Variants in SSC4D observed in about 807,000 individuals in gnomAD.
SSC4D encodes the protein scavenger receptor cysteine rich family member with 4 domains.
SSC4D carries 57 observed loss-of-function variants against 63.4 expected under a neutral mutation model. The observed-to-expected ratio is 0.90, with a 90% CI of 0.73 to 1.12. SSC4D has a LOEUF of 1.12. Ranked by LOEUF, SSC4D falls within the 50% of genes most tolerant of loss-of-function variation. SSC4D has a pLI of 0.00. For missense variants in SSC4D, 791 were observed against 806.4 expected (o/e 0.98, Z 0.23); for synonymous variants, 352 against 345.4 (o/e 1.02, Z -0.21).
chr7:76,403,872 A>C (rs1291600606), intron 2 of SSC4D, among the ~76,000 whole-genome samples: 1 of 151,894 alleles, frequency 6.6e-6, no homozygotes, highest in Non-Finnish European at 1.5e-5. Flanking sequence ...CATGTTGGCC[A>C]GGCTGGTCTC....
At position 76,390,393 on chromosome 7, in the gene SSC4D, T is replaced by TG. The variant is rs752442837; in HGVS notation, c.1412-19dup. On this transcript the variant is annotated intron_variant, in intron 10 of 10. Coordinates refer to ENST00000275560, the MANE Select transcript of SSC4D (RefSeq NM_080744.2). ...TAGATGCCCTGTGGGGGGACAGGGC[T>TG]GGGTTGGAAGGGGCTGGTCCATGCC... 3.8e-6 allele frequency: 6 copies of TG among 1,560,504 alleles called. No homozygotes were observed. The highest frequency in any genetic ancestry group is 5.2e-6 in the Non-Finnish European group (6 of 1,152,532).
At chr7:76,392,319 C>T (rs1415008298) in intron 9 of SSC4D, among the ~76,000 whole-genome samples, 3 of 151,996 alleles carry the variant, frequency 2.0e-5, no homozygotes, top group Non-Finnish European at 2.9e-5. Context: ...GAGGCCGAGG[C>T]GGGTGGATCA....
intron 5 of SSC4D, 111 bp from the exon 6 acceptor site, chr7:76,397,943 C>T (rs950313843): frequency 3.6e-6 from 4 of 1,110,892 alleles, no homozygotes; most frequent in African/African-American, 3.2e-5. Flanking sequence ...CATCTGCTCA[C>T]CCCGCTGCCC....
chr7:76,396,584 G>A (rs1249226660), intron 6 of SSC4D, among the ~76,000 whole-genome samples: 2 of 152,184 alleles, frequency 1.3e-5, no homozygotes, highest in Non-Finnish European at 1.5e-5. Flanking sequence ...GCTGAGGGAA[G>A]CCAAAAACCC....
rs1165535305 is a variant in SSC4D, at chr7:76,401,054, G to A, written c.134-11C>T. 6.5e-6 allele frequency: 10 copies of A among 1,544,136 alleles called. No individual in the cohort carries two copies. The highest frequency in any genetic ancestry group is 8.7e-6 in the Non-Finnish European group (10 of 1,143,130). ...GCTGTAGGGCGCTGGCTGAAACAGA[G>A]TGAGGAAGAGCATTGGCCCCTCTGC... On this transcript the variant is annotated splice_polypyrimidine_tract_variant and intron_variant, in intron 2 of 10. Coordinates refer to ENST00000275560, the MANE Select transcript of SSC4D (RefSeq NM_080744.2).
intron 1 of SSC4D, among the ~76,000 whole-genome samples, chr7:76,407,633 T>A (rs950940253): frequency 2.0e-5 from 3 of 152,042 alleles, no homozygotes; most frequent in Admixed American, 2.0e-4. Context: ...TTTGGGAGGC[T>A]AAGGCAGGAG....
At chr7:76,400,256 T>G in intron 4 of SSC4D, 30 bp downstream of exon 4, 1 of 1,436,742 alleles carries the variant, frequency 7.0e-7, no homozygotes, top group African/African-American at 1.5e-5. Flanking sequence ...ACAGTCTGTC[T>G]GTCCCTCCAG....
chr7:76,402,692 G>T (rs1013428092), intron 2 of SSC4D, among the ~76,000 whole-genome samples: 1 of 151,728 alleles, frequency 6.6e-6, no homozygotes, highest in African/African-American at 2.4e-5. Flanking sequence ...TTCTTGAGAC[G>T]GAATTTCGCT....
intron 1 of SSC4D, among the ~76,000 whole-genome samples, chr7:76,405,912 C>T (rs1323934404): frequency 6.6e-6 from 1 of 151,948 alleles, no homozygotes; most frequent in East Asian, 1.9e-4. Context: ...CCCTCCTTCC[C>T]TCCCTCTCTC....
In SSC4D at chr7:76,389,911, G is replaced by T; in HGVS notation, c.*148C>A. 3 of 996,032 alleles carry T rather than the reference G, an allele frequency of 3.0e-6. No individual in the cohort carries two copies. The highest frequency in any genetic ancestry group is 2.9e-6 in the Non-Finnish European group (2 of 680,782). The allele number at this position is 996,032 out of a possible 1,614,324, so 61.7% of individuals were successfully genotyped here. ...CGGGGGTACAGCCAGGCTCCCCCAA[G>T]CAGGACTGCACTGTCTAGGTAGGCT... On this transcript the variant is annotated 3_prime_UTR_variant, in exon 11 of 11. Transcript: ENST00000275560.
intron 1 of SSC4D, among the ~76,000 whole-genome samples, chr7:76,405,319 A>C (rs57903929): frequency 0.092 from 1,679 of 18,208 alleles, 155 homozygotes; most frequent in African/African-American, 0.22. Context: ...ATATATATGT[A>C]TTTTTTTCTT....
intron 7 of SSC4D, among the ~76,000 whole-genome samples, chr7:76,394,914 C>G (rs1804602635): frequency 7.3e-6 from 1 of 136,648 alleles, no homozygotes; most frequent in Non-Finnish European, 1.6e-5. Flanking sequence ...AGCTACGTTG[C>G]CCAGGATGGT....
Position 76,398,736 on chromosome 7 carries a change from T to C in SSC4D, c.537A>G (p.Thr179=). 1 of 1,613,400 alleles carries C rather than the reference T, an allele frequency of 6.2e-7. No homozygotes were observed. The highest frequency in any genetic ancestry group is 8.5e-7 in the Non-Finnish European group (1 of 1,179,506). ...CTTACGTACTTTTTCCATTCGGCAG[T>C]GTCGTAGGAGGTGCTCTACTGGTTA... ...KMLTSRAPPT[T]LPNGKSEGSV... is the part of the protein sequence containing the mutation. The change falls in exon 5 of 11, where the codon ACA becomes ACG. Residue 179 remains threonine, a synonymous_variant. Coordinates refer to ENST00000275560, the MANE Select transcript of SSC4D (RefSeq NM_080744.2).
chr7:76,407,241 G>A (rs1805065516), intron 1 of SSC4D, among the ~76,000 whole-genome samples: 1 of 152,174 alleles, frequency 6.6e-6, no homozygotes, highest in South Asian at 2.1e-4. Context: ...AATTACAGGT[G>A]TGAGCCACCA....
At chr7:76,401,510 G>A (rs1047714208) in intron 2 of SSC4D, among the ~76,000 whole-genome samples, 1 of 152,056 alleles carries the variant, frequency 6.6e-6, no homozygotes, top group African/African-American at 2.4e-5. Context: ...TCTTCCTCTG[G>A]GGTTCAAGCG....
chr7:76,389,983 C>T lies in SSC4D; in HGVS notation c.*76G>A. ...GGGGCAAAGTGAACTGTAGTCATCA[C>T]AAGAGGAGGGCTTCCTGGAGGAGGA... is the stretch of plus-strand genomic sequence containing the variant. On this transcript the variant is annotated 3_prime_UTR_variant, in exon 11 of 11. Coordinates refer to ENST00000275560, the MANE Select transcript of SSC4D (RefSeq NM_080744.2). 3 of 1,586,308 alleles carry T rather than the reference C, an allele frequency of 1.9e-6. No individual in the cohort carries two copies. The highest frequency in any genetic ancestry group is 2.6e-6 in the Non-Finnish European group (3 of 1,161,618).
At chr7:76,406,088 C>T (rs1454749665) in intron 1 of SSC4D, among the ~76,000 whole-genome samples, 5 of 152,040 alleles carry the variant, frequency 3.3e-5, no homozygotes, top group African/African-American at 4.8e-5. Flanking sequence ...CGGGTTCAAG[C>T]GATTCTCCTG....
chr7:76,397,388 G>A lies in SSC4D; in HGVS notation c.868+130C>T, dbSNP rs191449430. 33 of 1,156,170 alleles carry A rather than the reference G, an allele frequency of 2.9e-5. No homozygotes were observed. The Admixed American group carries it at 5.6e-4, about 20-fold the overall frequency. 71.6% of individuals were successfully genotyped at this position (1,156,170 alleles called of 1,614,324 possible). Reference sequence around the variant, plus strand: ...AGTAATTTTGGATGCTGCCTGGAGAGCTCTGGGGAGCATCAAGACAGCCAA... The same window carrying A: ...AGTAATTTTGGATGCTGCCTGGAGAACTCTGGGGAGCATCAAGACAGCCAA... On this transcript the variant is annotated intron_variant, in intron 6 of 10. Coordinates refer to ENST00000275560, the MANE Select transcript of SSC4D (RefSeq NM_080744.2).
rs1441169177 is a variant in SSC4D, at chr7:76,390,036, G to A, written c.*23C>T. 1 of 1,613,476 alleles carries A rather than the reference G, an allele frequency of 6.2e-7. No homozygotes were observed. Among genetic ancestry groups the A allele is most frequent in the African/African-American group, 1.3e-5 (1 of 74,934 alleles). On this transcript the variant is annotated 3_prime_UTR_variant, in exon 11 of 11. Transcript: ENST00000275560. ...GGAGGTCACAGCTCCCAGAAGAAGA[G>A]GTGGTCTGCAGAGCGGGCTGGGTCA... is the stretch of plus-strand genomic sequence containing the variant.
Sources: allele counts gnomAD v4.1 joint callset (sites outside exome capture counted in the v4.1 genomes callset), GRCh38; gene constraint gnomAD v4.1.1; transcripts MANE v1.5; gene names NCBI Gene and HGNC (gene_info 2026-07-23, HGNC 2026-07-21).